The following RASAL2 variants were observed in gnomAD, a reference collection of about 807,000 sequenced individuals.
RASAL2 encodes RAS protein activator like 2.
In RASAL2, 58 loss-of-function variants were observed where a neutral mutation model predicts 128.9. The ratio of observed to expected loss-of-function variants is 0.45; its 90% CI spans 0.36 to 0.56. RASAL2 has a LOEUF of 0.56. Among genes scored for constraint, RASAL2 ranks in the 20% least tolerant of loss-of-function variants. The pLI is 0.00. For missense variants in RASAL2, 1,360 were observed against 1,601.6 expected (o/e 0.85, Z 2.57); for synonymous variants, 561 against 580.8 (o/e 0.97, Z 0.49).
chr1:178,307,088 T>G, intron 3 of RASAL2, among the ~76,000 whole-genome samples: 1 of 151,670 alleles, frequency 6.6e-6, no homozygotes, highest in Non-Finnish European at 1.5e-5. Flanking sequence ...TATAACAGCA[T>G]GTGCAGTCTA....
intron 3 of RASAL2, among the ~76,000 whole-genome samples, chr1:178,301,707 A>G (rs947301802): frequency 6.6e-6 from 1 of 152,158 alleles, no homozygotes; most frequent in Admixed American, 6.5e-5. Context: ...TGCTAGGAAT[A>G]AAGCATGAAC....
At chr1:178,292,612 C>T (rs937806573) in intron 2 of RASAL2, among the ~76,000 whole-genome samples, 1 of 152,140 alleles carries the variant, frequency 6.6e-6, no homozygotes, top group Non-Finnish European at 1.5e-5. Flanking sequence ...AGGAAAGGCC[C>T]CAACTGGCTT....
intron 1 of RASAL2, among the ~76,000 whole-genome samples, chr1:178,203,188 G>A (rs1401609522): frequency 6.6e-6 from 1 of 152,188 alleles, no homozygotes; most frequent in African/African-American, 2.4e-5. Flanking sequence ...CTCAAGGAAT[G>A]CCTTATCCAC....
intron 1 of RASAL2, among the ~76,000 whole-genome samples, chr1:178,205,407 TA>T (rs1232092130): frequency 5.3e-5 from 8 of 152,142 alleles, no homozygotes; most frequent in African/African-American, 1.9e-4. Context: ...GTGCTTTAAT[TA>T]AAAGCCAAAA....
intron 3 of RASAL2, among the ~76,000 whole-genome samples, chr1:178,343,281 C>T (rs1185738227): frequency 6.6e-6 from 1 of 152,164 alleles, no homozygotes; most frequent in African/African-American, 2.4e-5. Context: ...TCGGCTATAT[C>T]GGAAACCAAA....
At chr1:178,145,476 A>G (rs565832726) in intron 1 of RASAL2, among the ~76,000 whole-genome samples, 16 of 148,962 alleles carry the variant, frequency 1.1e-4, no homozygotes, top group African/African-American at 3.7e-4. Flanking sequence ...GCTTGTAGAG[A>G]GAGTTATGTT....
At chr1:178,368,713 CT>C (rs1436474300) in intron 3 of RASAL2, among the ~76,000 whole-genome samples, 1 of 151,894 alleles carries the variant, frequency 6.6e-6, no homozygotes, top group Non-Finnish European at 1.5e-5. Context: ...TCATAGCTCA[CT>C]GCAGCCTCAA....
In RASAL2 at chr1:178,283,635, C is replaced by G. The variant is rs765706747; in HGVS notation, c.274C>G (p.Arg92Gly). 1.2e-6 allele frequency: 2 copies of G among 1,613,390 alleles called. No homozygotes were observed. The highest frequency in any genetic ancestry group is 1.7e-6 in the Non-Finnish European group (2 of 1,179,810). Residue 92 changes from arginine (R) to glycine (G), a missense_variant, in exon 2 of 18, where the codon CGG becomes GGG. Arg to Gly is a moderately radical substitution (Grantham distance 125). Transcript: ENST00000367649. ...SPYTETTTWE[R>G]KYCILTDSQL... ...CTACACCGAGACAACAACGTGGGAG[C>G]GGAAGTATTGCATCCTCACAGACAG...
At position 178,190,767 on chromosome 1, in the gene RASAL2, G is replaced by A. The variant is rs74128879; in HGVS notation, c.203-92797G>A. On this transcript the variant is annotated intron_variant, in intron 1 of 17. Transcript: ENST00000367649. ...AAAAAAAAATCCCCTATATGTAGCC[G>A]GAATAAACAGTCACTGTGAGTTGTC... Among the ~76,000 whole-genome samples the A allele has an allele frequency of 5.6e-3, 847 of 151,670 alleles. 11 individuals carry two copies. The highest frequency in any genetic ancestry group is 0.019 in the African/African-American group (790 of 41,362).
intron 3 of RASAL2, among the ~76,000 whole-genome samples, chr1:178,382,385 T>C (rs1337023163): frequency 6.6e-6 from 1 of 152,218 alleles, no homozygotes; most frequent in Non-Finnish European, 1.5e-5. Flanking sequence ...AGGTTTTGTG[T>C]GCAGAAAACA....
chr1:178,310,997 AG>A (rs370147321), intron 3 of RASAL2, among the ~76,000 whole-genome samples: 80 of 152,254 alleles, frequency 5.3e-4, no homozygotes, highest in African/African-American at 1.4e-3. Context: ...CCCACACTAG[AG>A]GCTCCTCTTA....
At chr1:178,213,672 G>T (rs1663329837) in intron 1 of RASAL2, among the ~76,000 whole-genome samples, 2 of 151,148 alleles carry the variant, frequency 1.3e-5, no homozygotes, top group Non-Finnish European at 2.9e-5. Flanking sequence ...TTATTTATAT[G>T]AATTAATTTT....
intron 12 of RASAL2, 128 bp from the exon 13 acceptor site, chr1:178,456,593 A>G (rs910015873): frequency 2.1e-6 from 2 of 955,292 alleles, no homozygotes; most frequent in Middle Eastern, 2.4e-4. Flanking sequence ...TGCCACTCCC[A>G]TATGCAAACA....
At chr1:178,221,809 C>A (rs1172327482) in intron 1 of RASAL2, among the ~76,000 whole-genome samples, 1 of 152,142 alleles carries the variant, frequency 6.6e-6, no homozygotes, top group Non-Finnish European at 1.5e-5. Flanking sequence ...ACTATATTCT[C>A]ACCGATTTTC....
chr1:178,383,118 T>G (rs868117510), intron 3 of RASAL2, among the ~76,000 whole-genome samples: 1 of 152,198 alleles, frequency 6.6e-6, no homozygotes, highest in Admixed American at 6.5e-5. Context: ...ATAAATTTAC[T>G]GAAGCAAGGA....
Position 178,466,022 on chromosome 1 carries a change from A to C in RASAL2, c.3490A>C (p.Lys1164Gln). 1 of 1,573,346 alleles carries C rather than the reference A, an allele frequency of 6.4e-7. No homozygotes were observed. Among genetic ancestry groups the C allele is most frequent in the South Asian group, 1.2e-5 (1 of 85,684 alleles). ...RLLVQEQQMQ[K>Q]LLLEYKARLE... ...GCTGGTGCAGGAGCAGCAGATGCAGAAGCTGCTGCTGGAATACAAGGCCCG... is the reference window on the plus strand; with the variant it reads ...GCTGGTGCAGGAGCAGCAGATGCAGCAGCTGCTGCTGGAATACAAGGCCCG... The change falls in exon 16 of 18, where the codon AAG becomes CAG. Residue 1164 changes from lysine (K) to glutamine (Q), a missense_variant. Coordinates refer to ENST00000367649, the MANE Select transcript of RASAL2 (RefSeq NM_170692.4).
At chr1:178,399,972 C>T (rs1673506836) in intron 4 of RASAL2, among the ~76,000 whole-genome samples, 2 of 152,206 alleles carry the variant, frequency 1.3e-5, no homozygotes, top group African/African-American at 4.8e-5. Context: ...TGCCCATGAA[C>T]AAGACTAGTT....
intron 4 of RASAL2, among the ~76,000 whole-genome samples, chr1:178,410,782 CTAAT>C (rs1674314883): frequency 6.6e-6 from 1 of 152,084 alleles, no homozygotes; most frequent in Non-Finnish European, 1.5e-5. Flanking sequence ...CTCAGCATCA[CTAAT>C]TATCAGGGAA....
chr1:178,097,108 T>C (rs1182400312), intron 1 of RASAL2, among the ~76,000 whole-genome samples: 2 of 152,232 alleles, frequency 1.3e-5, no homozygotes, highest in Non-Finnish European at 2.9e-5. Flanking sequence ...TTGATGAGTG[T>C]AGTCTAACAT....
Sources: allele counts gnomAD v4.1 joint callset (sites outside exome capture counted in the v4.1 genomes callset), GRCh38; gene constraint gnomAD v4.1.1; transcripts MANE v1.5; gene names NCBI Gene and HGNC (gene_info 2026-07-23, HGNC 2026-07-21).